Variants in SCUBE2 observed in about 807,000 individuals in gnomAD.
SCUBE2 encodes the protein signal peptide, CUB domain and EGF like domain containing 2.
A neutral mutation model predicts 125.9 loss-of-function variants in SCUBE2; 114 were observed. The observed-to-expected ratio is 0.91, with a 90% CI of 0.78 to 1.06. The LOEUF is 1.06. SCUBE2 is among the 50% of genes least tolerant of loss of function. SCUBE2 has a pLI of 0.00. For missense variants in SCUBE2, 1,255 were observed against 1,301.8 expected (o/e 0.96, Z 0.55); for synonymous variants, 459 against 492.9 (o/e 0.93, Z 0.91).
chr11:9,084,863 G>A (rs891104985), intron 2 of SCUBE2, among the ~76,000 whole-genome samples: 1 of 152,138 alleles, frequency 6.6e-6, no homozygotes, highest in Non-Finnish European at 1.5e-5. Flanking sequence ...TCAGCCTCCT[G>A]AGTAGCAGGG....
At chr11:9,035,731 T>G (rs1285766813) in intron 16 of SCUBE2, among the ~76,000 whole-genome samples, 1 of 152,158 alleles carries the variant, frequency 6.6e-6, no homozygotes, top group East Asian at 1.9e-4. Flanking sequence ...AATCAGGCTT[T>G]TGGATCATGG....
chr11:9,081,180 A>T (rs569331583), intron 2 of SCUBE2, among the ~76,000 whole-genome samples: 2 of 152,356 alleles, frequency 1.3e-5, no homozygotes, highest in Non-Finnish European at 2.9e-5. Context: ...GCCACTTTGG[A>T]CAAGAGTTTG....
In SCUBE2 at chr11:9,074,503, G is replaced by A. The variant is rs748301134; in HGVS notation, c.495C>T (p.His165=). 1 of 1,614,182 alleles carries A rather than the reference G, an allele frequency of 6.2e-7. No individual in the cohort carries two copies. Among genetic ancestry groups the A allele is most frequent in the Non-Finnish European group, 8.5e-7 (1 of 1,180,044 alleles). The change falls in exon 4 of 23, where the codon CAC becomes CAT. Residue 165 remains histidine, a synonymous_variant. Transcript: ENST00000649792. ...KEGFFLSDNQ[H]TCIHRSEEGL... ...TACCTTCCGAGCGGTGAATGCAGGT[G>A]TGCTGATTGTCACTCAGGAAAAACC...
Position 9,020,828 on chromosome 11 carries a change from C to T in SCUBE2, c.*217G>A. 1 of 447,618 alleles carries T rather than the reference C, an allele frequency of 2.2e-6. No homozygotes were observed. The highest frequency in any genetic ancestry group is 4.0e-6 in the Non-Finnish European group (1 of 252,690). 27.7% of individuals were successfully genotyped at this position (447,618 alleles called of 1,614,324 possible). A position where few individuals can be genotyped will look rare whatever the true frequency, so the allele number is the denominator to read the frequency against. On this transcript the variant is annotated 3_prime_UTR_variant, in exon 23 of 23. Transcript: ENST00000649792. ...CGCCCACAGCAGTGAGAAGCTGATG[C>T]CACTCAAAGCCATTCTCAGTCTACA...
chr11:9,048,170 A>C, intron 14 of SCUBE2, 72 bp from the exon 15 acceptor site: 9 of 1,461,406 alleles, frequency 6.2e-6, no homozygotes, highest in Non-Finnish European at 8.4e-6. Flanking sequence ...GCTAGAGCTC[A>C]GTAAACATTT....
intron 7 of SCUBE2, among the ~76,000 whole-genome samples, chr11:9,060,977 T>C (rs1859624149): frequency 6.6e-6 from 1 of 152,188 alleles, no homozygotes; most frequent in Non-Finnish European, 1.5e-5. Flanking sequence ...ACTGCCTTGT[T>C]GTAGACTACT....
intron 10 of SCUBE2, among the ~76,000 whole-genome samples, chr11:9,054,048 G>C (rs186166050): frequency 7.0e-6 from 1 of 142,164 alleles, no homozygotes; most frequent in Non-Finnish European, 1.5e-5. Context: ...TCAGGCTGGA[G>C]TGCAGTGGCA....
chr11:9,059,359 A>G lies in SCUBE2; in HGVS notation c.1034T>C (p.Phe345Ser), dbSNP rs1418365185. The G allele has an allele frequency of 6.2e-7, 1 of 1,614,224 alleles. No homozygotes were observed. Among genetic ancestry groups the G allele is most frequent in the Non-Finnish European group, 8.5e-7 (1 of 1,180,040 alleles). ...DHFCKNIVGS[F>S]DCGCKKGFKL... Reference sequence around the variant, plus strand: ...AAATCCTTTCTTGCAGCCGCAGTCAAAACTGCCCACGATGTTTTTGCAGAA... The same window carrying G: ...AAATCCTTTCTTGCAGCCGCAGTCAGAACTGCCCACGATGTTTTTGCAGAA... Residue 345 changes from phenylalanine (F) to serine (S), a missense_variant, in exon 9 of 23, where the codon TTT becomes TCT. Physicochemically the swap from Phe to Ser is radical, Grantham distance 155. Around this residue, in one of 3 missense-constraint regions of SCUBE2, gnomAD observed 378 missense variants for 463.1 expected, o/e 0.82. Coordinates refer to ENST00000649792, the MANE Select transcript of SCUBE2 (RefSeq NM_001367977.2).
chr11:9,032,655 C>T (rs1856415857), intron 17 of SCUBE2, among the ~76,000 whole-genome samples: 1 of 152,148 alleles, frequency 6.6e-6, no homozygotes, highest in Non-Finnish European at 1.5e-5. Flanking sequence ...ATCACTTGAA[C>T]CCAGGAGGTG....
At chr11:9,036,781 A>T (rs1856786557) in intron 16 of SCUBE2, among the ~76,000 whole-genome samples, 2 of 151,994 alleles carry the variant, frequency 1.3e-5, no homozygotes, top group African/African-American at 2.4e-5. Flanking sequence ...GCTGCTGAGA[A>T]CTCTTTCAAC....
At chr11:9,044,562 C>T (rs564837776) in intron 16 of SCUBE2, among the ~76,000 whole-genome samples, 9 of 152,284 alleles carry the variant, frequency 5.9e-5, no homozygotes, top group South Asian at 2.1e-4. Context: ...TCTATTCATA[C>T]GTAAACCTAC....
chr11:9,050,099 A>G (rs1199229072), intron 14 of SCUBE2: 2 of 152,764 alleles, frequency 1.3e-5, no homozygotes, highest in African/African-American at 2.4e-5. Flanking sequence ...GCTCTTCTCA[A>G]TAAGGCCAGT....
chr11:9,053,578 C>T, intron 11 of SCUBE2, 59 bp downstream of exon 11: 1 of 1,596,474 alleles, frequency 6.3e-7, no homozygotes, highest in Non-Finnish European at 8.6e-7. Context: ...CGCAGAGCTG[C>T]ACTGCCTCTG....
At chr11:9,024,555 T>C (rs1487050569) in intron 21 of SCUBE2, 1 of 482,176 alleles carries the variant, frequency 2.1e-6, no homozygotes, top group Non-Finnish European at 3.6e-6. Flanking sequence ...CTCCAGAGCT[T>C]GGCCCTGAAG....
At chr11:9,027,102 G>A (rs1260705571) in intron 20 of SCUBE2, 1 of 489,090 alleles carries the variant, frequency 2.0e-6, no homozygotes, top group Non-Finnish European at 3.7e-6. Flanking sequence ...CTGGGTCCTT[G>A]TGGAAGAGGG....
chr11:9,084,345 T>C (rs545282851), intron 2 of SCUBE2, among the ~76,000 whole-genome samples: 41 of 152,306 alleles, frequency 2.7e-4, no homozygotes, highest in African/African-American at 9.1e-4. Context: ...TACAGAAGAA[T>C]TTCAATTAAC....
chr11:9,079,541 G>T, intron 2 of SCUBE2, 32 bp from the exon 3 acceptor site: 1 of 1,605,638 alleles, frequency 6.2e-7, no homozygotes. Context: ...AACCAGACAG[G>T]TGCTATTTCT....
At chr11:9,070,823 T>C (rs1464376319) in intron 4 of SCUBE2, among the ~76,000 whole-genome samples, 3 of 152,240 alleles carry the variant, frequency 2.0e-5, no homozygotes, top group Non-Finnish European at 4.4e-5. Flanking sequence ...AGGGTTAATA[T>C]ATCCCATACT....
In SCUBE2 at chr11:9,089,785, C is replaced by A. The variant is rs746543338; in HGVS notation, c.178G>T (p.Ala60Ser). 8 of 1,613,954 alleles carry A rather than the reference C, an allele frequency of 5.0e-6. No individual in the cohort carries two copies. The highest frequency in any genetic ancestry group is 1.7e-5 in the Admixed American group (1 of 60,002). ...GAGGTGGGTGTGTTCTGACACAGGG[C>A]GTCGGCATGGCAGTCATCTAGCCCT... ...AQGLDDCHAD[A>S]LCQNTPTSYK... The change falls in exon 2 of 23, where the codon GCC (alanine) becomes TCC (serine). Residue 60 changes from alanine (A) to serine (S), a missense_variant. Ala to Ser is a moderately conservative substitution (Grantham distance 99). Coordinates refer to ENST00000649792, the MANE Select transcript of SCUBE2 (RefSeq NM_001367977.2).
Sources: gnomAD v4.1 joint callset for allele counts (sites outside exome capture counted in the v4.1 genomes callset) on GRCh38, gnomAD v4.1.1 for gene constraint, gnomAD v4.1.1 regional missense constraint, MANE v1.5 for transcripts, NCBI Gene and HGNC (gene_info 2026-07-23, HGNC 2026-07-21) for gene names.